SPECC1: variants seen among roughly 807,000 people sequenced by gnomAD.
The protein encoded by SPECC1 is sperm antigen with calponin homology and coiled-coil domains 1.
Under a neutral mutation model 104.1 loss-of-function variants are expected in SPECC1, and 62 were observed. That is an observed-to-expected ratio of 0.60 (90% CI 0.49 to 0.74). The LOEUF is 0.74. Among genes scored for constraint, SPECC1 ranks in the 30% least tolerant of loss-of-function variants. The pLI, the probability that SPECC1 is intolerant of heterozygous loss-of-function variation, is 0.00. For missense variants in SPECC1, 1,306 were observed against 1,310.5 expected (o/e 1.00, Z 0.05); for synonymous variants, 513 against 501.6 (o/e 1.02, Z -0.30).
chr17:20,090,366 T>C (rs967086985), intron 1 of SPECC1, among the ~76,000 whole-genome samples: 2 of 152,114 alleles, frequency 1.3e-5, no homozygotes, highest in African/African-American at 4.8e-5. Flanking sequence ...TCCCTTTCAT[T>C]ACAAGCCCTG....
intron 3 of SPECC1, among the ~76,000 whole-genome samples, chr17:20,191,325 ATTAT>A (rs1417039945): frequency 2.0e-5 from 3 of 152,100 alleles, no homozygotes; most frequent in African/African-American, 7.2e-5. Flanking sequence ...ACGTGGCTGA[ATTAT>A]TTTGCGTTCC....
intron 7 of SPECC1, chr17:20,237,035 T>C (rs940735506): frequency 3.3e-6 from 5 of 1,510,220 alleles, no homozygotes; most frequent in African/African-American, 2.8e-5. Flanking sequence ...CTCAGAGTCA[T>C]TGCCGTCGAG....
intron 3 of SPECC1, among the ~76,000 whole-genome samples, chr17:20,196,878 T>C (rs1473451339): frequency 6.6e-6 from 1 of 152,280 alleles, no homozygotes; most frequent in Non-Finnish European, 1.5e-5. Flanking sequence ...GTTTTTATTT[T>C]ATCAGTAATT....
At chr17:20,061,260 C>A (rs2046174725) in intron 1 of SPECC1, among the ~76,000 whole-genome samples, 1 of 152,174 alleles carries the variant, frequency 6.6e-6, no homozygotes, top group South Asian at 2.1e-4. Context: ...TTAGTAGAGA[C>A]AGTGTTTCAC....
Position 20,227,430 on chromosome 17 carries a change from A to G in SPECC1, c.1881A>G (p.Ser627=), listed in dbSNP as rs765555472. 1.2e-6 allele frequency: 2 copies of G among 1,611,688 alleles called. No individual in the cohort carries two copies. Among genetic ancestry groups the G allele is most frequent in the Admixed American group, 1.7e-5 (1 of 59,158 alleles). ...SLLAKVEKDY[S]YLKEICDHQA... Reference sequence around the variant, plus strand: ...TATTTTAGGTGGAAAAGGATTATTCATACCTGAAGGAGATATGTGATCACC... The same window carrying G: ...TATTTTAGGTGGAAAAGGATTATTCGTACCTGAAGGAGATATGTGATCACC... The change falls in exon 5 of 15, where the codon TCA becomes TCG. Residue 627 remains serine, a synonymous_variant. Coordinates refer to ENST00000395527, the MANE Select transcript of SPECC1 (RefSeq NM_001243439.2).
chr17:20,098,154 G>A (rs1474833948), intron 2 of SPECC1, among the ~76,000 whole-genome samples: 3 of 152,080 alleles, frequency 2.0e-5, no homozygotes, highest in Non-Finnish European at 4.4e-5. Flanking sequence ...GTCCAAAACC[G>A]AATCTCAATG....
chr17:20,010,543 A>C (rs2043906433), intron 1 of SPECC1, among the ~76,000 whole-genome samples: 1 of 152,234 alleles, frequency 6.6e-6, no homozygotes, highest in Non-Finnish European at 1.5e-5. Context: ...TTAACTCTCC[A>C]AGCAAGCGAG....
At chr17:20,034,033 A>G (rs1004037103) in intron 1 of SPECC1, among the ~76,000 whole-genome samples, 1 of 152,228 alleles carries the variant, frequency 6.6e-6, no homozygotes, top group Non-Finnish European at 1.5e-5. Context: ...AAATTGCTCT[A>G]AATACTAATA....
At chr17:20,112,340 A>T (rs1343513910) in intron 3 of SPECC1, 6 of 756,256 alleles carry the variant, frequency 7.9e-6, no homozygotes, top group Non-Finnish European at 9.9e-6. Flanking sequence ...AAGAAGCAAG[A>T]TTTTTTGTAT....
At chr17:20,204,148 A>T (rs1023847241) in intron 3 of SPECC1, among the ~76,000 whole-genome samples, 185 bp from the exon 4 acceptor site, 15 of 152,164 alleles carry the variant, frequency 9.9e-5, no homozygotes, top group Admixed American at 8.5e-4. Flanking sequence ...CCTCACCCAA[A>T]GTATAGGGCT....
intron 1 of SPECC1, among the ~76,000 whole-genome samples, chr17:20,083,186 G>C (rs2047050200): frequency 6.6e-6 from 1 of 152,202 alleles, no homozygotes; most frequent in South Asian, 2.1e-4. Flanking sequence ...TGATCCAGAT[G>C]CTAGGCAGCA....
Position 20,009,416 on chromosome 17 carries a change from G to C in SPECC1, c.-30G>C, listed in dbSNP as rs149315354. The C allele has an allele frequency of 0.066, 9,976 of 152,200 alleles. 356 individuals are homozygous for C. The highest frequency in any genetic ancestry group is 0.081 in the Non-Finnish European group (5,527 of 68,022). The allele number at this position is 152,200 out of a possible 1,614,324, so 9.4% of individuals were successfully genotyped here. ...TGGGGGTTGCGGCGGCGCTGAGCCA[G>C]CGGGGCCGGTGAGTACTAGCCGCGC... On this transcript the variant is annotated 5_prime_UTR_variant, in exon 1 of 15. Coordinates refer to ENST00000395527, the MANE Select transcript of SPECC1 (RefSeq NM_001243439.2). This position sits in a 1 kb window ranked among gnomAD's most constrained non-coding sequence, Gnocchi z 5.2.
intron 1 of SPECC1, 45 bp from the exon 2 acceptor site, chr17:20,096,586 G>C: frequency 6.4e-7 from 1 of 1,560,010 alleles, no homozygotes; most frequent in Admixed American, 1.8e-5. Flanking sequence ...TCATGCAGCA[G>C]GTTCAAGTGA....
At chr17:20,313,294 C>G (rs917400206) in intron 14 of SPECC1, among the ~76,000 whole-genome samples, 2 of 152,168 alleles carry the variant, frequency 1.3e-5, no homozygotes, top group Non-Finnish European at 2.9e-5. Context: ...TAAGTAGTAA[C>G]AATGCTGGTA....
intron 11 of SPECC1, among the ~76,000 whole-genome samples, chr17:20,259,017 T>C (rs1275908341): frequency 6.6e-6 from 1 of 152,266 alleles, no homozygotes; most frequent in Non-Finnish European, 1.5e-5. Flanking sequence ...TAGTAAAACT[T>C]ACGAGTGAGT....
chr17:20,227,352 ACAGAT>A, intron 4 of SPECC1, 56 bp from the exon 5 acceptor site: 1 of 1,468,838 alleles, frequency 6.8e-7, no homozygotes, highest in South Asian at 1.2e-5. Flanking sequence ...CTTCTAGTGT[ACAGAT>A]CACTGTGGGA....
intron 1 of SPECC1, among the ~76,000 whole-genome samples, chr17:20,050,249 C>T (rs1327352876): frequency 6.6e-6 from 1 of 152,056 alleles, no homozygotes; most frequent in African/African-American, 2.4e-5. Flanking sequence ...ATTTGGTGCT[C>T]CTTCAGTTAC....
intron 4 of SPECC1, among the ~76,000 whole-genome samples, chr17:20,214,192 C>T (rs112869509): frequency 0.044 from 6,677 of 152,280 alleles, 199 homozygotes; most frequent in Non-Finnish European, 0.068. Context: ...CTGAAGAGTT[C>T]TTTCTATTCT....
intron 5 of SPECC1, among the ~76,000 whole-genome samples, chr17:20,228,637 G>T (rs2038382835): frequency 6.6e-6 from 1 of 152,068 alleles, no homozygotes; most frequent in South Asian, 2.1e-4. Context: ...TTGGTCTAAG[G>T]GAGAAAACAA....
Sources: gnomAD v4.1 joint callset for allele counts (sites outside exome capture counted in the v4.1 genomes callset) on GRCh38, gnomAD v4.1.1 for gene constraint, Gnocchi (gnomAD v3.1) non-coding constraint, MANE v1.5 for transcripts, NCBI Gene and HGNC (gene_info 2026-07-23, HGNC 2026-07-21) for gene names.